Variants in GLP2R observed in about 807,000 individuals in gnomAD.
The protein encoded by GLP2R is glucagon like peptide 2 receptor.
GLP2R carries 59 observed loss-of-function variants against 68.2 expected under a neutral mutation model. That is an observed-to-expected ratio of 0.87 (90% CI 0.70 to 1.07). The LOEUF (loss-of-function observed/expected upper bound fraction) is 1.07, where lower values mean the gene tolerates loss of function less well. GLP2R is among the 50% of genes least tolerant of loss of function. The pLI is 0.00. For synonymous variants in GLP2R, 270 were observed against 265.4 expected (o/e 1.02, Z -0.17); for missense variants, 548 against 677.4 (o/e 0.81, Z 2.12).
chr17:9,876,798 T>C (rs1188604244), intron 10 of GLP2R, among the ~76,000 whole-genome samples: 3 of 152,324 alleles, frequency 2.0e-5, no homozygotes, highest in Admixed American at 2.0e-4. Flanking sequence ...ATGTTACAAA[T>C]TCAAGGAAAA....
chr17:9,881,537 C>CGT (rs2067196352), intron 11 of GLP2R, among the ~76,000 whole-genome samples: 1 of 146,276 alleles, frequency 6.8e-6, no homozygotes, highest in Admixed American at 6.7e-5. Flanking sequence ...CCCGCCACTA[C>CGT]GCCCGGCTAA....
chr17:9,876,434 C>G (rs1230352977), intron 10 of GLP2R, among the ~76,000 whole-genome samples: 1 of 152,192 alleles, frequency 6.6e-6, no homozygotes, highest in Non-Finnish European at 1.5e-5. Context: ...GTTTAATGCA[C>G]AGTGGACAGT....
intron 1 of GLP2R, among the ~76,000 whole-genome samples, chr17:9,829,920 C>G (rs1253348716): frequency 6.6e-6 from 1 of 152,300 alleles, no homozygotes. Flanking sequence ...CTTTCCTTTT[C>G]CTTAATCCCT....
At chr17:9,880,283 G>A in intron 10 of GLP2R, 95 bp from the exon 11 acceptor site, 1 of 750,134 alleles carries the variant, frequency 1.3e-6, no homozygotes, top group Non-Finnish European at 2.2e-6. Flanking sequence ...TATCAATATG[G>A]TAAGAGCTGC....
intron 10 of GLP2R, among the ~76,000 whole-genome samples, chr17:9,878,126 G>T (rs1307001559): frequency 1.3e-5 from 2 of 152,086 alleles, no homozygotes; most frequent in Middle Eastern, 3.2e-3. Context: ...ACTCTTACAA[G>T]GGCCAAGCAA....
intron 5 of GLP2R, among the ~76,000 whole-genome samples, chr17:9,857,031 TC>T (rs1263414139): frequency 6.6e-6 from 1 of 152,016 alleles, no homozygotes; most frequent in Non-Finnish European, 1.5e-5. Flanking sequence ...AAGCAATTCT[TC>T]TGCCTCAGCC....
At chr17:9,885,158 T>TTAC (rs1367463544) in intron 11 of GLP2R, among the ~76,000 whole-genome samples, 2 of 145,326 alleles carry the variant, frequency 1.4e-5, no homozygotes, top group Non-Finnish European at 3.0e-5. Flanking sequence ...TTTATTATTA[T>TTAC]TATTATTATT....
intron 10 of GLP2R, among the ~76,000 whole-genome samples, chr17:9,877,607 A>G (rs1306631447): frequency 6.6e-6 from 1 of 152,130 alleles, no homozygotes; most frequent in Non-Finnish European, 1.5e-5. Context: ...AGGGGAAACT[A>G]TGCCGGGGGC....
intron 3 of GLP2R, among the ~76,000 whole-genome samples, chr17:9,841,987 A>G (rs2066791427): frequency 6.6e-6 from 1 of 152,058 alleles, no homozygotes; most frequent in Non-Finnish European, 1.5e-5. Flanking sequence ...AATCATGGAG[A>G]GTTGGTACCA....
At chr17:9,835,773 T>C (rs1024423988) in intron 2 of GLP2R, among the ~76,000 whole-genome samples, 7 of 151,842 alleles carry the variant, frequency 4.6e-5, no homozygotes, top group Non-Finnish European at 1.0e-4. Flanking sequence ...GGGCATGGTG[T>C]CTCATGCCTA....
intron 4 of GLP2R, among the ~76,000 whole-genome samples, chr17:9,849,333 A>G (rs946143076): frequency 6.6e-6 from 1 of 152,084 alleles, no homozygotes; most frequent in African/African-American, 2.4e-5. Flanking sequence ...CCCTAAATTC[A>G]TCGGGTACCT....
chr17:9,889,711 A>C lies in GLP2R; in HGVS notation c.*6A>C, dbSNP rs374684373. 67 of 1,512,870 alleles carry C rather than the reference A, an allele frequency of 4.4e-5. No individual in the cohort carries two copies. Among genetic ancestry groups the C allele is most frequent in the Non-Finnish European group, 5.8e-5 (65 of 1,117,666 alleles). The allele number at this position is 1,512,870 out of a possible 1,614,324, so 93.7% of individuals were successfully genotyped here. ...TGGAAGAGAGTGAGATCTAGGGTGG[A>C]GTTCCACCACCCTGGCTCTGCTCCC... On this transcript the variant is annotated 3_prime_UTR_variant, in exon 13 of 13. Transcript: ENST00000262441.
chr17:9,867,560 A>AC (rs2152042582), intron 9 of GLP2R, among the ~76,000 whole-genome samples: 1 of 152,306 alleles, frequency 6.6e-6, no homozygotes, highest in African/African-American at 2.4e-5. Flanking sequence ...TTTAGAGTTG[A>AC]ATCATCTCGG....
chr17:9,850,208 A>T (rs188499852), intron 4 of GLP2R, among the ~76,000 whole-genome samples: 2 of 152,322 alleles, frequency 1.3e-5, no homozygotes, highest in Admixed American at 1.3e-4. Flanking sequence ...ACTAAGCGTG[A>T]GCTGGAGACC....
In GLP2R at chr17:9,880,478, A is replaced by G; in HGVS notation, c.1246A>G (p.Ile416Val). ...TCAAGTTGAAGGATTTGCAAAACTTATACGACTTTTCATTCAGTTGACACT... is the reference window on the plus strand; with the variant it reads ...TCAAGTTGAAGGATTTGCAAAACTTGTACGACTTTTCATTCAGTTGACACT... Reference protein sequence around the residue: ...DDQVEGFAKLIRLFIQLTLSS... With the variant: ...DDQVEGFAKLVRLFIQLTLSS... Residue 416 changes from isoleucine to valine, a missense_variant, in exon 11 of 13, where the codon ATA becomes GTA. By Grantham distance (29) the Ile-to-Val change is conservative (BLOSUM62 3). Transcript: ENST00000262441. 1.9e-6 allele frequency: 3 copies of G among 1,606,474 alleles called. No homozygotes were observed. The highest frequency in any genetic ancestry group is 1.7e-6 in the Non-Finnish European group (2 of 1,174,998).
chr17:9,829,033 T>C lies in GLP2R; in HGVS notation c.189+2781T>C, dbSNP rs187047124. Among the ~76,000 whole-genome samples the C allele has an allele frequency of 2.9e-3, 438 of 152,314 alleles. 2 individuals carry two copies. The highest frequency in any genetic ancestry group is 9.4e-3 in the African/African-American group (391 of 41,568). ...TTGTGAAGACTTTCATGATAAATTC[T>C]GCTCATAGCCTCTTTCCCTGCATGG... On this transcript the variant is annotated intron_variant, in intron 1 of 12. Coordinates refer to ENST00000262441, the MANE Select transcript of GLP2R (RefSeq NM_004246.3).
chr17:9,832,004 G>C (rs753394678), intron 1 of GLP2R, among the ~76,000 whole-genome samples: 1 of 152,178 alleles, frequency 6.6e-6, no homozygotes, highest in Non-Finnish European at 1.5e-5. Flanking sequence ...TATAGCTGCC[G>C]TCTCTAGAAC....
chr17:9,867,393 G>C (rs1457301492), intron 9 of GLP2R, among the ~76,000 whole-genome samples: 1 of 152,228 alleles, frequency 6.6e-6, no homozygotes, highest in Non-Finnish European at 1.5e-5. Context: ...TTACTGCTTT[G>C]TTGGTACAAG....
chr17:9,886,572 G>A (rs903219286), intron 11 of GLP2R, among the ~76,000 whole-genome samples: 1 of 152,214 alleles, frequency 6.6e-6, no homozygotes, highest in Non-Finnish European at 1.5e-5. Flanking sequence ...TGACCAGATT[G>A]CATGTGTGAA....
Sources: allele counts gnomAD v4.1 joint callset (sites outside exome capture counted in the v4.1 genomes callset), GRCh38; gene constraint gnomAD v4.1.1; transcripts MANE v1.5; gene names NCBI Gene and HGNC (gene_info 2026-07-23, HGNC 2026-07-21).